The following GRIN2B variants were observed in gnomAD, a reference collection of about 807,000 sequenced individuals.
GRIN2B encodes glutamate receptor ionotropic, NMDA 2B.
Under a neutral mutation model 114.5 loss-of-function variants are expected in GRIN2B, and 5 were observed. That is an observed-to-expected ratio of 0.04 (90% CI 0.02 to 0.09). The LOEUF (loss-of-function observed/expected upper bound fraction) is 0.09. Among genes scored for constraint, GRIN2B ranks in the 10% least tolerant of loss-of-function variants. The pLI is 1.00. For missense variants in GRIN2B, 1,108 were observed against 1,943.5 expected (o/e 0.57, Z 8.08); for synonymous variants, 787 against 745.1 (o/e 1.06, Z -0.92).
intron 3 of GRIN2B, among the ~76,000 whole-genome samples, chr12:13,770,749 T>C (rs1863892257): frequency 6.6e-6 from 1 of 152,156 alleles, no homozygotes; most frequent in African/African-American, 2.4e-5. Flanking sequence ...CTCCCACTTA[T>C]GAGTGAGAAG....
chr12:13,584,349 C>T (rs183134539), intron 10 of GRIN2B, among the ~76,000 whole-genome samples: 4 of 152,336 alleles, frequency 2.6e-5, no homozygotes, highest in African/African-American at 9.6e-5. Context: ...CAGTTTTGGT[C>T]TGTTTTGATC....
At position 13,616,586 on chromosome 12, in the gene GRIN2B, T is replaced by G; in HGVS notation, c.1197A>C (p.Glu399Asp). 6.2e-7 allele frequency: 1 copy of G among 1,614,056 alleles called. No individual in the cohort carries two copies. Among genetic ancestry groups the G allele is most frequent in the Non-Finnish European group, 8.5e-7 (1 of 1,179,900 alleles). Reference protein sequence around the residue: ...YVWPRMCPETEEQEDDHLSIV... With the variant: ...YVWPRMCPETDEQEDDHLSIV... ...TGCTCAGATGGTCATCCTCCTGCTCTTCAGTCTCTGGACACATTCGGGGCC... is the reference window on the plus strand; with the variant it reads ...TGCTCAGATGGTCATCCTCCTGCTCGTCAGTCTCTGGACACATTCGGGGCC... The change falls in exon 6 of 14, where the codon GAA becomes GAC. Residue 399 changes from glutamate (E) to aspartate (D), a missense_variant. Physicochemically the swap from Glu to Asp is conservative, Grantham distance 45 (BLOSUM62 2). This residue lies in a region of GRIN2B where 21 missense variants were observed against 25.4 expected (regional missense o/e 0.83). Coordinates refer to ENST00000609686, the MANE Select transcript of GRIN2B (RefSeq NM_000834.5).
At chr12:13,946,135 G>T (rs1416744130) in intron 2 of GRIN2B, among the ~76,000 whole-genome samples, 1 of 151,824 alleles carries the variant, frequency 6.6e-6, no homozygotes, top group African/African-American at 2.4e-5. Context: ...GTGTGGAGGG[G>T]GTAAATAATG....
chr12:13,602,570 G>C (rs981158232), intron 10 of GRIN2B, among the ~76,000 whole-genome samples: 6 of 152,150 alleles, frequency 3.9e-5, no homozygotes, highest in African/African-American at 1.4e-4. Context: ...AACATTTCAG[G>C]GTAGTTGTGG....
chr12:13,938,063 A>G (rs1053679246), intron 2 of GRIN2B, among the ~76,000 whole-genome samples: 2 of 152,298 alleles, frequency 1.3e-5, no homozygotes, highest in South Asian at 4.1e-4. Flanking sequence ...GATACTAAGT[A>G]GAGGTATAAG....
intron 2 of GRIN2B, among the ~76,000 whole-genome samples, chr12:13,920,432 A>G (rs1866803944): frequency 6.6e-6 from 1 of 152,172 alleles, no homozygotes; most frequent in African/African-American, 2.4e-5. Flanking sequence ...ATGGGATAAG[A>G]CTGCTTTATC....
chr12:13,669,596 G>A (rs1950005451), intron 5 of GRIN2B, among the ~76,000 whole-genome samples: 1 of 152,100 alleles, frequency 6.6e-6, no homozygotes, highest in Non-Finnish European at 1.5e-5. Context: ...GAGGCTGGGA[G>A]GTGGAACAAA....
At chr12:13,862,177 T>G (rs78772410) in intron 3 of GRIN2B, among the ~76,000 whole-genome samples, 1 of 152,210 alleles carries the variant, frequency 6.6e-6, no homozygotes, top group Non-Finnish European at 1.5e-5. Flanking sequence ...AGCAGAGTGC[T>G]AATTAATGTT....
intron 2 of GRIN2B, among the ~76,000 whole-genome samples, chr12:13,916,355 A>T (rs1866720391): frequency 6.6e-6 from 1 of 152,180 alleles, no homozygotes. Flanking sequence ...CCAAACTGAG[A>T]TTGGCCCTAA....
chr12:13,541,446 C>T lies in GRIN2B; in HGVS notation c.*21337G>A, dbSNP rs1948278553. 6 of 152,264 alleles carry T rather than the reference C, an allele frequency of 3.9e-5. No individual in the cohort carries two copies. The South Asian group carries it at 1.2e-3, about 32-fold the overall frequency. 9.4% of individuals were successfully genotyped at this position (152,264 alleles called of 1,614,324 possible). On this transcript the variant is annotated 3_prime_UTR_variant, in exon 14 of 14. Transcript: ENST00000609686. ...AGTCACATTGTTTTCTGCACATCTT[C>T]CAAAGAGTGGATTCCGGGAGGTCAG... is the stretch of plus-strand genomic sequence containing the variant.
intron 5 of GRIN2B, among the ~76,000 whole-genome samples, chr12:13,661,200 C>T (rs1319123447): frequency 6.6e-6 from 1 of 152,166 alleles, no homozygotes; most frequent in African/African-American, 2.4e-5. Flanking sequence ...CTCTGTAAAG[C>T]TCATGCCTGT....
chr12:13,707,422 T>G (rs1210803453), intron 4 of GRIN2B, among the ~76,000 whole-genome samples: 2 of 152,148 alleles, frequency 1.3e-5, no homozygotes, highest in African/African-American at 2.4e-5. Context: ...CTGAACTCAA[T>G]AGCTAAATGC....
At chr12:13,858,858 G>A (rs1865706644) in intron 3 of GRIN2B, among the ~76,000 whole-genome samples, 1 of 152,184 alleles carries the variant, frequency 6.6e-6, no homozygotes, top group Non-Finnish European at 1.5e-5. Flanking sequence ...GTCAATATCA[G>A]TAATTGCATC....
In GRIN2B at chr12:13,911,002, G is replaced by A. The variant is rs138978942; in HGVS notation, c.-18-44776C>T. On this transcript the variant is annotated intron_variant, in intron 2 of 13. Coordinates refer to ENST00000609686, the MANE Select transcript of GRIN2B (RefSeq NM_000834.5). ...ACTTCAGTTTACACATCACCCTTAC[G>A]TAAAAGATATTTTCCAACCCTTTCT... Among the ~76,000 whole-genome samples the A allele has an allele frequency of 3.9e-3, 599 of 151,770 alleles. 3 individuals are homozygous for A. Among genetic ancestry groups the A allele is most frequent in the African/African-American group, 0.014 (576 of 41,362 alleles).
intron 3 of GRIN2B, among the ~76,000 whole-genome samples, chr12:13,793,312 T>C (rs1340956027): frequency 6.6e-6 from 1 of 152,080 alleles, no homozygotes; most frequent in Non-Finnish European, 1.5e-5. Flanking sequence ...TCCCATCTAC[T>C]CGGGAGGCTG....
chr12:13,574,938 G>A (rs989691560), intron 10 of GRIN2B, among the ~76,000 whole-genome samples: 4 of 152,232 alleles, frequency 2.6e-5, no homozygotes, highest in African/African-American at 9.7e-5. Flanking sequence ...CATATATGGT[G>A]CAAGGGCCAT....
chr12:13,864,290 T>C lies in GRIN2B; in HGVS notation c.411+1508A>G, dbSNP rs555006543. Reference sequence around the variant, plus strand: ...TGCCGACAGGTGGCGGTAACGGTCATGCAAGGTTCCTTTAGTCTCGGCTCA... The same window carrying C: ...TGCCGACAGGTGGCGGTAACGGTCACGCAAGGTTCCTTTAGTCTCGGCTCA... On this transcript the variant is annotated intron_variant, in intron 3 of 13. Coordinates refer to ENST00000609686, the MANE Select transcript of GRIN2B (RefSeq NM_000834.5). 1.8e-3 allele frequency among the ~76,000 whole-genome samples: 274 copies of C among 152,308 alleles called. 1 individual carries two copies. Among genetic ancestry groups the C allele is most frequent in the African/African-American group, 5.8e-3 (242 of 41,588 alleles).
chr12:13,812,636 T>C (rs1864754095), intron 3 of GRIN2B, among the ~76,000 whole-genome samples: 1 of 152,158 alleles, frequency 6.6e-6, no homozygotes, highest in South Asian at 2.1e-4. Context: ...GTTTTTTTAA[T>C]CTATTAAGTC....
intron 4 of GRIN2B, among the ~76,000 whole-genome samples, chr12:13,734,022 G>A (rs1295787673): frequency 2.6e-5 from 4 of 152,086 alleles, no homozygotes; most frequent in Non-Finnish European, 4.4e-5. Flanking sequence ...CAGTCTGGAG[G>A]GAAAAGAGAA....
Sources: gnomAD v4.1 joint callset for allele counts (sites outside exome capture counted in the v4.1 genomes callset) on GRCh38, gnomAD v4.1.1 for gene constraint, gnomAD v4.1.1 regional missense constraint, MANE v1.5 for transcripts, NCBI Gene and HGNC (gene_info 2026-07-23, HGNC 2026-07-21) for gene names.